Variants in PCDHA10 observed in about 807,000 individuals in gnomAD.
PCDHA10 encodes protocadherin alpha-10.
Under a neutral mutation model 61.2 loss-of-function variants are expected in PCDHA10, and 45 were observed. The observed-to-expected ratio is 0.74, with a 90% confidence interval of 0.58 to 0.94. The LOEUF (loss-of-function observed/expected upper bound fraction) is 0.94. PCDHA10 is among the 40% of genes least tolerant of loss of function. The pLI, the probability that PCDHA10 is intolerant of heterozygous loss-of-function variation, is 0.00. For missense variants in PCDHA10, 1,278 were observed against 1,236.2 expected (o/e 1.03, Z -0.51); for synonymous variants, 602 against 548.8 (o/e 1.10, Z -1.35).
chr5:140,985,021 T>A (rs2097132867), intron 3 of PCDHA10, among the ~76,000 whole-genome samples: 1 of 151,956 alleles, frequency 6.6e-6, no homozygotes, highest in African/African-American at 2.4e-5. Flanking sequence ...CACAGCAACC[T>A]CTGCCTCCTG....
chr5:140,877,057 G>C, intron 1 of PCDHA10: 1 of 1,612,862 alleles, frequency 6.2e-7, no homozygotes. Flanking sequence ...CGAGGAGCTG[G>C]AGCTGCTGCA....
At chr5:140,915,982 G>A (rs1563009608) in intron 1 of PCDHA10, among the ~76,000 whole-genome samples, 3 of 152,230 alleles carry the variant, frequency 2.0e-5, no homozygotes, top group South Asian at 2.1e-4. Flanking sequence ...ATTTGACTAC[G>A]GCTAAGCTGG....
chr5:140,993,528 A>G (rs78672098), intron 3 of PCDHA10, among the ~76,000 whole-genome samples: 1 of 151,976 alleles, frequency 6.6e-6, no homozygotes, highest in Admixed American at 6.6e-5. Context: ...AGAGACAGAG[A>G]GAGAGAGAGA....
At chr5:140,898,507 C>T (rs538521734) in intron 1 of PCDHA10, among the ~76,000 whole-genome samples, 23 of 152,140 alleles carry the variant, frequency 1.5e-4, no homozygotes, top group African/African-American at 5.1e-4. Context: ...TGTAGATATG[C>T]GGCGTTATTT....
At chr5:140,926,861 G>T in intron 1 of PCDHA10, 1 of 1,522,578 alleles carries the variant, frequency 6.6e-7, no homozygotes, top group Non-Finnish European at 8.8e-7. Flanking sequence ...TTGGTGTAGC[G>T]TGTTGGTGGA....
chr5:140,863,333 CGTT>C, intron 1 of PCDHA10: 1 of 1,399,240 alleles, frequency 7.1e-7, no homozygotes. Flanking sequence ...TTAGTGCTCA[CGTT>C]GCTGCTGTAC....
intron 1 of PCDHA10, chr5:140,877,589 C>T (rs1554169905): frequency 1.2e-6 from 2 of 1,613,848 alleles, no homozygotes; most frequent in Non-Finnish European, 1.7e-6. Context: ...GCCATCTGTG[C>T]GGTGTCCAGC....
At chr5:140,929,386 GAA>G in intron 1 of PCDHA10, 1 of 1,511,328 alleles carries the variant, frequency 6.6e-7, no homozygotes, top group Non-Finnish European at 8.9e-7. Context: ...GCTGTGTTTT[GAA>G]ATATTTCTTA....
At chr5:140,887,930 A>G (rs1276226662) in intron 1 of PCDHA10, among the ~76,000 whole-genome samples, 1 of 152,096 alleles carries the variant, frequency 6.6e-6, no homozygotes, top group Non-Finnish European at 1.5e-5. Context: ...CAGAGACCAT[A>G]TTTATTTCTT....
chr5:140,968,326 C>G (rs1554230623), intron 1 of PCDHA10: 1 of 1,614,058 alleles, frequency 6.2e-7, no homozygotes, highest in Non-Finnish European at 8.5e-7. Context: ...CAGTCACCTC[C>G]TATGTCTCCA....
chr5:140,867,676 G>T (rs2050100182), intron 1 of PCDHA10: 1 of 151,988 alleles, frequency 6.6e-6, no homozygotes, highest in Admixed American at 6.6e-5. Flanking sequence ...CTAAAATTTT[G>T]TTGCATCTTC....
chr5:140,960,708 T>C (rs578004240), intron 1 of PCDHA10, among the ~76,000 whole-genome samples: 1 of 152,142 alleles, frequency 6.6e-6, no homozygotes, highest in Non-Finnish European at 1.5e-5. Context: ...TAGTGCCAAA[T>C]ACTCATCTTA....
Position 140,929,272 on chromosome 5 carries a change from T to G in PCDHA10, c.2389-49677T>G, listed in dbSNP as rs560527071. Reference sequence around the variant, plus strand: ...TGGGGTAGGACTGAATTTGCCAATATCCTGTATTCAGATTCGGAATAGGAA... The same window carrying G: ...TGGGGTAGGACTGAATTTGCCAATAGCCTGTATTCAGATTCGGAATAGGAA... On this transcript the variant is annotated intron_variant, in intron 1 of 3. Transcript: ENST00000307360. The G allele has an allele frequency of 1.3e-4, 206 of 1,607,152 alleles. 1 individual carries two copies. The South Asian group carries it at 2.1e-3, about 17-fold the overall frequency.
In PCDHA10 at chr5:140,857,868, C is replaced by T. The variant is rs782242383; in HGVS notation, c.1820C>T (p.Ser607Leu). The T allele has an allele frequency of 1.3e-6, 2 of 1,597,584 alleles. No homozygotes were observed. The highest frequency in any genetic ancestry group is 1.1e-5 in the South Asian group (1 of 90,464). Residue 607 changes from serine to leucine, a missense_variant, in exon 1 of 4, where the codon TCG becomes TTG. Transcript: ENST00000307360. ...DADSGYNAWL[S>L]YELQSAAVGA... Reference sequence around the variant, plus strand: ...GACTCTGGATACAACGCGTGGCTGTCGTATGAATTGCAGTCGGCGGCGGTT... The same window carrying T: ...GACTCTGGATACAACGCGTGGCTGTTGTATGAATTGCAGTCGGCGGCGGTT...
At chr5:140,908,726 G>A (rs1304356386) in intron 1 of PCDHA10, among the ~76,000 whole-genome samples, 3 of 152,188 alleles carry the variant, frequency 2.0e-5, no homozygotes, top group African/African-American at 4.8e-5. Flanking sequence ...TGGGTCATAT[G>A]GCTCGAGAAA....
intron 1 of PCDHA10, among the ~76,000 whole-genome samples, chr5:140,911,721 A>G (rs1442469379): frequency 6.6e-6 from 1 of 152,168 alleles, no homozygotes; most frequent in African/African-American, 2.4e-5. Context: ...GTAACTCTGT[A>G]AACAGTTCGT....
Position 140,966,702 on chromosome 5 carries a change from G to A in PCDHA10, c.2389-12247G>A, listed in dbSNP as rs2153748522. On this transcript the variant is annotated intron_variant, in intron 1 of 3. Transcript: ENST00000307360. Reference sequence around the variant, plus strand: ...ACGAGCGGAGGCGGGGCCCGGGCGTGGGGCACGGCTGGGGAAGCTGCCGCC... The same window carrying A: ...ACGAGCGGAGGCGGGGCCCGGGCGTAGGGCACGGCTGGGGAAGCTGCCGCC... 3.7e-6 allele frequency: 5 copies of A among 1,367,880 alleles called. No homozygotes were observed. The South Asian group carries it at 6.9e-5, about 19-fold the overall frequency. 84.7% of individuals were successfully genotyped at this position (1,367,880 alleles called of 1,614,324 possible).
At position 140,969,169 on chromosome 5, in the gene PCDHA10, A is replaced by G. The variant is rs201735192; in HGVS notation, c.2389-9780A>G. 2.0e-5 allele frequency: 33 copies of G among 1,614,094 alleles called. No homozygotes were observed. In the Admixed American group the frequency reaches 5.5e-4, roughly 27 times the overall value. On this transcript the variant is annotated intron_variant, in intron 1 of 3. Transcript: ENST00000307360. The stretch of plus-strand genomic sequence containing the variant: ...ACAAGGCCTGTCTGACAGCAGGCTC[A>G]GGGAGTGACACTTTCATGTTTTACA...
chr5:140,992,352 G>C (rs1554252825), intron 3 of PCDHA10, among the ~76,000 whole-genome samples: 1 of 152,162 alleles, frequency 6.6e-6, no homozygotes, highest in African/African-American at 2.4e-5. Context: ...TGTGGAGAGA[G>C]GAGAAAAATG....
Sources: gnomAD v4.1 joint callset for allele counts (sites outside exome capture counted in the v4.1 genomes callset) on GRCh38, gnomAD v4.1.1 for gene constraint, MANE v1.5 for transcripts, NCBI Gene and HGNC (gene_info 2026-07-23, HGNC 2026-07-21) for gene names.